DNAJB6: variants seen among roughly 807,000 people sequenced by gnomAD.
The protein encoded by DNAJB6 is DnaJ heat shock protein family (Hsp40) member B6.
In DNAJB6, 16 loss-of-function variants were observed where a neutral mutation model predicts 42.7. The observed-to-expected ratio is 0.37, with a 90% CI of 0.25 to 0.57. DNAJB6 has a LOEUF of 0.57. DNAJB6 is among the 20% of genes least tolerant of loss of function. The probability of loss-of-function intolerance (pLI) is 0.74; values close to 1 mark genes in which losing one functional copy is unlikely to be tolerated. For synonymous variants in DNAJB6, 170 were observed against 163.5 expected (o/e 1.04, Z -0.30); for missense variants, 347 against 416.8 (o/e 0.83, Z 1.46).
At chr7:157,352,345 T>C (rs1799031279) in intron 1 of DNAJB6, among the ~76,000 whole-genome samples, 1 of 151,736 alleles carries the variant, frequency 6.6e-6, no homozygotes, top group Admixed American at 6.6e-5. Context: ...TATATATGTA[T>C]ATATATATAA....
At chr7:157,404,386 G>A (rs955647410) in intron 8 of DNAJB6, among the ~76,000 whole-genome samples, 7 of 151,256 alleles carry the variant, frequency 4.6e-5, no homozygotes, top group East Asian at 3.9e-4. Context: ...GAACCCCCTC[G>A]GCTCAAGTAA....
chr7:157,357,615 G>C (rs1799377481), intron 1 of DNAJB6, among the ~76,000 whole-genome samples: 1 of 151,996 alleles, frequency 6.6e-6, no homozygotes, highest in African/African-American at 2.4e-5. Flanking sequence ...CGGCTGTGCA[G>C]ATTCTTGATT....
chr7:157,376,621 C>A (rs1472994665), intron 5 of DNAJB6, among the ~76,000 whole-genome samples: 1 of 152,174 alleles, frequency 6.6e-6, no homozygotes, highest in Non-Finnish European at 1.5e-5. Flanking sequence ...AGATCATAAC[C>A]TGTAATCCCT....
At chr7:157,374,619 G>A (rs1388469755) in intron 5 of DNAJB6, among the ~76,000 whole-genome samples, 1 of 152,108 alleles carries the variant, frequency 6.6e-6, no homozygotes, top group African/African-American at 2.4e-5. Context: ...AGTGATCTGC[G>A]ATTCTTTTGT....
At chr7:157,342,988 T>C (rs996260766) in intron 1 of DNAJB6, among the ~76,000 whole-genome samples, 1 of 151,620 alleles carries the variant, frequency 6.6e-6, no homozygotes, top group Admixed American at 6.6e-5. Context: ...TTTTTTGTTT[T>C]TGCTTTTTTT....
chr7:157,355,770 A>G (rs1799241436), intron 1 of DNAJB6, among the ~76,000 whole-genome samples: 1 of 152,170 alleles, frequency 6.6e-6, no homozygotes, highest in Non-Finnish European at 1.5e-5. Context: ...GGTAGCCTTC[A>G]TTTGGTAAGG....
intron 2 of DNAJB6, among the ~76,000 whole-genome samples, chr7:157,360,208 G>A (rs2116957589): frequency 6.6e-6 from 1 of 152,304 alleles, no homozygotes; most frequent in African/African-American, 2.4e-5. Context: ...ATGGAGGAGG[G>A]CGAAAGACAC....
chr7:157,352,477 A>C (rs75478732), intron 1 of DNAJB6, among the ~76,000 whole-genome samples: 7,799 of 151,452 alleles, frequency 0.051, 667 homozygotes, highest in African/African-American at 0.18. Flanking sequence ...TGAATGTGGA[A>C]TGAGGTGGTA....
intron 1 of DNAJB6, chr7:157,339,735 C>T (rs1468378421): frequency 2.0e-5 from 3 of 152,200 alleles, no homozygotes; most frequent in Admixed American, 6.6e-5. Flanking sequence ...AAGCGATTCT[C>T]CTGCCTCAGC....
chr7:157,388,704 C>G (rs1801201884), intron 8 of DNAJB6, among the ~76,000 whole-genome samples: 2 of 151,752 alleles, frequency 1.3e-5, no homozygotes, highest in Admixed American at 1.3e-4. Context: ...GATGTTAGTG[C>G]TGCTGTCACC....
intron 5 of DNAJB6, chr7:157,378,723 A>G (rs1195914270): frequency 2.6e-5 from 4 of 152,156 alleles, no homozygotes; most frequent in African/African-American, 9.7e-5. Flanking sequence ...AGGGTTTTTT[A>G]TAATAAAAAT....
chr7:157,356,591 A>G (rs1799290237), intron 1 of DNAJB6, among the ~76,000 whole-genome samples: 1 of 152,166 alleles, frequency 6.6e-6, no homozygotes, highest in Non-Finnish European at 1.5e-5. Flanking sequence ...TTTTATATTG[A>G]TTATTTCCAA....
intron 1 of DNAJB6, among the ~76,000 whole-genome samples, chr7:157,352,854 G>A (rs1799065985): frequency 6.6e-6 from 1 of 152,078 alleles, no homozygotes; most frequent in Non-Finnish European, 1.5e-5. Context: ...AGGAACCACG[G>A]CTTGTTTACG....
At chr7:157,399,418 G>C (rs1257485132) in intron 8 of DNAJB6, among the ~76,000 whole-genome samples, 1 of 152,200 alleles carries the variant, frequency 6.6e-6, no homozygotes, top group Admixed American at 6.5e-5. Context: ...GACCGCAGGG[G>C]TTGCGTAAGG....
intron 8 of DNAJB6, among the ~76,000 whole-genome samples, chr7:157,399,274 G>A (rs112969735): frequency 3.1e-4 from 47 of 152,336 alleles, no homozygotes; most frequent in African/African-American, 9.6e-4. Context: ...GCCTTGTCTG[G>A]TGATGCTCAT....
At chr7:157,342,500 G>GGA (rs1798452981) in intron 1 of DNAJB6, among the ~76,000 whole-genome samples, 1 of 152,002 alleles carries the variant, frequency 6.6e-6, no homozygotes, top group Non-Finnish European at 1.5e-5. Flanking sequence ...ACGACACCCA[G>GGA]CTAATTTTGT....
At chr7:157,383,580 T>A (rs1050202283) in intron 6 of DNAJB6, among the ~76,000 whole-genome samples, 3 of 150,700 alleles carry the variant, frequency 2.0e-5, no homozygotes, top group Admixed American at 6.7e-5. Flanking sequence ...TTGTCCTTTT[T>A]AAAAGTAATC....
intron 1 of DNAJB6, among the ~76,000 whole-genome samples, chr7:157,352,496 G>A (rs573797603): frequency 1.6e-4 from 24 of 151,972 alleles, no homozygotes; most frequent in Non-Finnish European, 3.4e-4. Context: ...TATGAAGATG[G>A]GGGTGGGGGT....
rs139613114 is a variant in DNAJB6, at chr7:157,390,453, C to G, written c.691+4842C>G. On this transcript the variant is annotated intron_variant, in intron 8 of 9. Transcript: ENST00000262177. ...ATCCCATTCCCCCGCCTGGTCCTTC[C>G]TCTTCCCCCTAGCTGGTTACTGAAC... Among the ~76,000 whole-genome samples, 505 of 152,346 alleles carry G rather than the reference C, an allele frequency of 3.3e-3. 3 individuals are homozygous for G. Among genetic ancestry groups the G allele is most frequent in the African/African-American group, 0.012 (482 of 41,576 alleles).
Sources: gnomAD v4.1 joint callset for allele counts (sites outside exome capture counted in the v4.1 genomes callset) on GRCh38, gnomAD v4.1.1 for gene constraint, MANE v1.5 for transcripts, NCBI Gene and HGNC (gene_info 2026-07-23, HGNC 2026-07-21) for gene names.